SLC24A3: variants seen among roughly 807,000 people sequenced by gnomAD.
The protein encoded by SLC24A3 is solute carrier family 24 member 3, also known as sodium/potassium/calcium exchanger 3.
A neutral mutation model predicts 75.8 loss-of-function variants in SLC24A3; 28 were observed. That is an observed-to-expected ratio of 0.37 (90% CI 0.27 to 0.51). SLC24A3 has a LOEUF of 0.51. Ranked by LOEUF, SLC24A3 falls within the 20% of genes least tolerant of loss-of-function variation. The pLI is 0.94. For synonymous variants in SLC24A3, 372 were observed against 334.1 expected (o/e 1.11, Z -1.24); for missense variants, 663 against 847.8 (o/e 0.78, Z 2.71).
At chr20:19,342,299 T>C (rs1048868132) in intron 2 of SLC24A3, among the ~76,000 whole-genome samples, 8 of 152,212 alleles carry the variant, frequency 5.3e-5, no homozygotes, top group African/African-American at 1.9e-4. Flanking sequence ...CCAGAGTGGA[T>C]CCATTGATAA....
intron 2 of SLC24A3, among the ~76,000 whole-genome samples, chr20:19,395,231 T>A (rs1986434269): frequency 6.6e-6 from 1 of 152,112 alleles, no homozygotes; most frequent in Non-Finnish European, 1.5e-5. Flanking sequence ...GAGTTTCAGG[T>A]TTGCAAGATG....
intron 1 of SLC24A3, among the ~76,000 whole-genome samples, chr20:19,228,561 C>T (rs971115620): frequency 9.2e-5 from 14 of 151,780 alleles, no homozygotes; most frequent in African/African-American, 1.5e-4. Flanking sequence ...AGGAAAATGG[C>T]GTGAACCCAG....
At chr20:19,590,097 A>G (rs981226319) in intron 6 of SLC24A3, among the ~76,000 whole-genome samples, 1 of 150,828 alleles carries the variant, frequency 6.6e-6, no homozygotes, top group Non-Finnish European at 1.5e-5. Flanking sequence ...CCCTGCTACA[A>G]TGGAAGTATT....
At chr20:19,383,357 T>C (rs1986217268) in intron 2 of SLC24A3, among the ~76,000 whole-genome samples, 1 of 152,228 alleles carries the variant, frequency 6.6e-6, no homozygotes, top group African/African-American at 2.4e-5. Context: ...ACTGTTTCCT[T>C]TAACAGTCTT....
At position 19,337,468 on chromosome 20, in the gene SLC24A3, A is replaced by AT; in HGVS notation, c.271+56382dup. On this transcript the variant is annotated intron_variant, in intron 2 of 16. Transcript: ENST00000328041. ...TCAAAATAAGTAAATAAATAAATAA[A>AT]TAAATTAATTAATTAATTAAATAAA... 5.4e-5 allele frequency among the ~76,000 whole-genome samples: 4 copies of AT among 73,712 alleles called. No homozygotes were observed. The East Asian group carries it at 8.6e-4, about 16-fold the overall frequency. 48.4% of individuals were successfully genotyped at this position (73,712 alleles called of 152,430 possible).
chr20:19,611,942 C>G (rs1206717591), intron 6 of SLC24A3, among the ~76,000 whole-genome samples: 1 of 152,196 alleles, frequency 6.6e-6, no homozygotes, highest in Admixed American at 6.5e-5. Context: ...TGGCCATCCT[C>G]TTACCTCCCC....
At chr20:19,577,214 G>T (rs1198202662) in intron 3 of SLC24A3, among the ~76,000 whole-genome samples, 1 of 151,800 alleles carries the variant, frequency 6.6e-6, no homozygotes, top group Non-Finnish European at 1.5e-5. Context: ...ACCACCACGC[G>T]CAGCTAATTT....
intron 2 of SLC24A3, among the ~76,000 whole-genome samples, chr20:19,314,340 G>A (rs535919864): frequency 2.0e-3 from 183 of 93,152 alleles, no homozygotes; most frequent in Non-Finnish European, 3.9e-3. Flanking sequence ...TTGAGACAGG[G>A]TCTCAGTCCA....
At chr20:19,541,345 G>T (rs1003451737) in intron 3 of SLC24A3, among the ~76,000 whole-genome samples, 6 of 152,220 alleles carry the variant, frequency 3.9e-5, no homozygotes, top group Admixed American at 2.0e-4. Flanking sequence ...TGCCTGTCCC[G>T]GAAGCCTGGC....
intron 2 of SLC24A3, among the ~76,000 whole-genome samples, chr20:19,330,660 G>A (rs563983359): frequency 6.6e-6 from 1 of 152,356 alleles, no homozygotes; most frequent in African/African-American, 2.4e-5. Context: ...AGAAGGTGCT[G>A]AGTTGGAAAC....
At chr20:19,654,615 A>G (rs1033012315) in intron 7 of SLC24A3, among the ~76,000 whole-genome samples, 9 of 148,800 alleles carry the variant, frequency 6.0e-5, no homozygotes, top group African/African-American at 2.2e-4. Context: ...TCCATGCCCC[A>G]ACTCAACATG....
At chr20:19,372,050 G>T (rs1370819698) in intron 2 of SLC24A3, among the ~76,000 whole-genome samples, 1 of 152,182 alleles carries the variant, frequency 6.6e-6, no homozygotes, top group Admixed American at 6.5e-5. Flanking sequence ...GCCTTGGAAG[G>T]GATGTGTAGG....
At chr20:19,623,137 G>C (rs1390932730) in intron 6 of SLC24A3, among the ~76,000 whole-genome samples, 1 of 151,922 alleles carries the variant, frequency 6.6e-6, no homozygotes, top group Non-Finnish European at 1.5e-5. Flanking sequence ...TTTTTTGCTT[G>C]GTTTTATTTT....
chr20:19,418,420 G>A (rs1182863136), intron 2 of SLC24A3, among the ~76,000 whole-genome samples: 1 of 151,884 alleles, frequency 6.6e-6, no homozygotes, highest in Non-Finnish European at 1.5e-5. Flanking sequence ...AAATCTCCCG[G>A]AAAATAGAAT....
At chr20:19,213,133 A>G in intron 1 of SLC24A3, 149 bp downstream of exon 1, 1 of 875,430 alleles carries the variant, frequency 1.1e-6, no homozygotes, top group Non-Finnish European at 1.5e-6. Context: ...GCCAGGCACG[A>G]GGACTCCCCC....
chr20:19,463,144 G>A (rs1213684861), intron 2 of SLC24A3, among the ~76,000 whole-genome samples: 3 of 152,104 alleles, frequency 2.0e-5, no homozygotes, highest in African/African-American at 7.2e-5. Flanking sequence ...TTTCAATAAC[G>A]GTGTGACATT....
intron 2 of SLC24A3, among the ~76,000 whole-genome samples, chr20:19,322,933 G>A (rs951217377): frequency 2.0e-5 from 3 of 152,142 alleles, no homozygotes; most frequent in South Asian, 2.1e-4. Flanking sequence ...TAGGCCGGGC[G>A]CGGTGGCTCA....
intron 2 of SLC24A3, among the ~76,000 whole-genome samples, chr20:19,401,286 C>T (rs958274106): frequency 1.3e-5 from 2 of 152,228 alleles, no homozygotes; most frequent in Non-Finnish European, 2.9e-5. Context: ...CCTCTCTCAT[C>T]TCTCACGGGT....
At chr20:19,436,065 T>C (rs1252866564) in intron 2 of SLC24A3, among the ~76,000 whole-genome samples, 1 of 152,166 alleles carries the variant, frequency 6.6e-6, no homozygotes, top group Non-Finnish European at 1.5e-5. Context: ...GAGATAATAA[T>C]AGCTAACAGT....
Sources: gnomAD v4.1 joint callset for allele counts (sites outside exome capture counted in the v4.1 genomes callset) on GRCh38, gnomAD v4.1.1 for gene constraint, MANE v1.5 for transcripts, NCBI Gene and HGNC (gene_info 2026-07-23, HGNC 2026-07-21) for gene names.